The following SMG1 variants were observed in gnomAD, a reference collection of about 807,000 sequenced individuals.
SMG1 encodes SMG1 nonsense mediated mRNA decay associated PI3K related kinase.
A neutral mutation model predicts 419.9 loss-of-function variants in SMG1; 22 were observed. The ratio of observed to expected loss-of-function variants is 0.05; its 90% CI spans 0.04 to 0.07. The LOEUF (loss-of-function observed/expected upper bound fraction) is 0.07. SMG1 is among the 10% of genes least tolerant of loss of function. The probability of loss-of-function intolerance (pLI) is 1.00; values close to 1 mark genes in which losing one functional copy is unlikely to be tolerated. For missense variants in SMG1, 3,185 were observed against 4,342.0 expected (o/e 0.73, Z 7.49); for synonymous variants, 1,538 against 1,553.5 (o/e 0.99, Z 0.23).
At chr16:18,821,277 C>A (rs1196702525) in intron 55 of SMG1, among the ~76,000 whole-genome samples, 1 of 12,102 alleles carries the variant, frequency 8.3e-5, no homozygotes, top group African/African-American at 2.5e-4. Flanking sequence ...ATTATACTCT[C>A]AGTTTTAGGG....
Position 18,892,327 on chromosome 16 carries a change from G to C in SMG1, c.440C>G (p.Ser147Cys). ...CCTCCGAAGAAGATTCGACAGTCGA[G>C]ACTCATCAGAATAAGACATCGATCT... ...QERSMSYSDESRLSNLLRRIT... is the reference protein window; with the variant it reads ...QERSMSYSDECRLSNLLRRIT... Residue 147 changes from serine (S) to cysteine (C), a missense_variant, in exon 4 of 63, where the codon TCT becomes TGT. Coordinates refer to ENST00000446231, the MANE Select transcript of SMG1 (RefSeq NM_015092.5). The C allele has an allele frequency of 6.5e-7, 1 of 1,549,556 alleles. No individual in the cohort carries two copies. The highest frequency in any genetic ancestry group is 8.7e-7 in the Non-Finnish European group (1 of 1,146,586).
intron 5 of SMG1, among the ~76,000 whole-genome samples, 170 bp from the exon 6 acceptor site, chr16:18,889,755 G>A (rs1366327817): frequency 4.6e-5 from 7 of 152,190 alleles, no homozygotes; most frequent in African/African-American, 1.4e-4. Context: ...AGTCTGTCTA[G>A]CCTGCATTGC....
intron 1 of SMG1, among the ~76,000 whole-genome samples, chr16:18,908,552 A>C (rs1292064931): frequency 6.6e-6 from 1 of 151,770 alleles, no homozygotes; most frequent in Non-Finnish European, 1.5e-5. Flanking sequence ...GGACTTTATA[A>C]TCAAGGTAAA....
chr16:18,877,802 G>A (rs1460277426), intron 11 of SMG1: 1 of 152,184 alleles, frequency 6.6e-6, no homozygotes, highest in Non-Finnish European at 1.5e-5. Flanking sequence ...TGACATTAAA[G>A]TGTTTAGACA....
At chr16:18,818,049 G>A (rs1297299804) in intron 56 of SMG1, among the ~76,000 whole-genome samples, 1 of 150,410 alleles carries the variant, frequency 6.6e-6, no homozygotes, top group Non-Finnish European at 1.5e-5. Context: ...TCCCAGCTGG[G>A]ACCAGAGGTG....
rs1410978526 is a variant in SMG1 at position 18,859,088 on chromosome 16, T to C, written c.4047A>G (p.Leu1349=). Residue 1349 remains leucine (L), a synonymous_variant, in exon 28 of 63, where the codon CTA becomes CTG. Coordinates refer to ENST00000446231, the MANE Select transcript of SMG1 (RefSeq NM_015092.5). ...ATGAGCAATACAGCTGCAAGGTACT[T>C]AGAACTGGCAAAGACTGTGAAACTG... ...TLTVSQSLPV[L]STLQLYCSSA... is the part of the protein sequence containing the mutation. The C allele has an allele frequency of 2.0e-6, 3 of 1,530,550 alleles. No homozygotes were observed. Among genetic ancestry groups the C allele is most frequent in the East Asian group, 2.4e-5 (1 of 41,472 alleles). 94.8% of individuals were successfully genotyped at this position (1,530,550 alleles called of 1,614,324 possible).
intron 6 of SMG1, among the ~76,000 whole-genome samples, chr16:18,886,589 G>C (rs971475197): frequency 1.3e-5 from 2 of 152,142 alleles, no homozygotes; most frequent in African/African-American, 4.8e-5. Context: ...GATCACTTGA[G>C]GTCAGGAGTT....
At chr16:18,812,763 T>C (rs1370885535) in intron 60 of SMG1, among the ~76,000 whole-genome samples, 2 of 152,122 alleles carry the variant, frequency 1.3e-5, no homozygotes, top group Non-Finnish European at 2.9e-5. Context: ...GTTGGTGTGC[T>C]GCACCCATTA....
chr16:18,854,742 A>G lies in SMG1; in HGVS notation c.4397T>C (p.Phe1466Ser), dbSNP rs1304441446. The change falls in exon 30 of 63, where the codon TTT becomes TCT. Residue 1466 changes from phenylalanine to serine, a missense_variant. Physicochemically the swap from Phe to Ser is radical, Grantham distance 155. Coordinates refer to ENST00000446231, the MANE Select transcript of SMG1 (RefSeq NM_015092.5). ...TTTAQDLVQH[F>S]KKLSTQGQVD... Reference sequence around the variant, plus strand: ...TTGACCTTGGGTTGATAGTTTTTTAAAATGTTGGACTAAATCCTGTGCAGT... The same window carrying G: ...TTGACCTTGGGTTGATAGTTTTTTAGAATGTTGGACTAAATCCTGTGCAGT... 1 of 1,613,802 alleles carries G rather than the reference A, an allele frequency of 6.2e-7. No individual in the cohort carries two copies. The highest frequency in any genetic ancestry group is 1.3e-5 in the African/African-American group (1 of 74,886).
In SMG1 at chr16:18,838,003, C is replaced by G. The variant is rs572689074; in HGVS notation, c.7413+11G>C. The G allele has an allele frequency of 1.2e-6, 2 of 1,612,938 alleles. No individual in the cohort carries two copies. The highest frequency in any genetic ancestry group is 1.1e-5 in the South Asian group (1 of 91,012). ...AAGAAGACAATGACTTATTCCGTCA[C>G]TGGGCTTCACCTTAATCTCAGCTAC... On this transcript the variant is annotated intron_variant, in intron 45 of 62. Transcript: ENST00000446231.
intron 28 of SMG1, 92 bp downstream of exon 28, chr16:18,858,930 A>G: frequency 1.1e-6 from 1 of 892,984 alleles, no homozygotes; most frequent in Non-Finnish European, 1.6e-6. Context: ...CCAGCTACAA[A>G]TCCTATTTCA....
intron 29 of SMG1, among the ~76,000 whole-genome samples, chr16:18,856,021 T>C (rs1267515302): frequency 6.8e-6 from 1 of 147,672 alleles, no homozygotes; most frequent in Non-Finnish European, 1.5e-5. Context: ...GAATCATTAT[T>C]TTCTCTGGCC....
At chr16:18,902,248 AATTTGAAACTCCAAC>A (rs1458878063) in intron 1 of SMG1, among the ~76,000 whole-genome samples, 7 of 152,156 alleles carry the variant, frequency 4.6e-5, no homozygotes, top group Non-Finnish European at 7.3e-5. Flanking sequence ...GGGACAGGAC[AATTTGAAACTCCAAC>A]ATTTGGAACT....
chr16:18,902,767 G>A (rs1414903448), intron 1 of SMG1, among the ~76,000 whole-genome samples: 1 of 151,542 alleles, frequency 6.6e-6, no homozygotes, highest in Non-Finnish European at 1.5e-5. Flanking sequence ...TAGATGCAAG[G>A]GTCATCTTAT....
At chr16:18,881,144 T>TA (rs2036376880) in intron 10 of SMG1, among the ~76,000 whole-genome samples, 1 of 149,056 alleles carries the variant, frequency 6.7e-6, no homozygotes, top group South Asian at 2.1e-4. Context: ...TAAATTAAAT[T>TA]TAAAAAAAAA....
intron 4 of SMG1, among the ~76,000 whole-genome samples, chr16:18,891,498 T>C (rs905507466): frequency 2.6e-5 from 4 of 151,744 alleles, no homozygotes; most frequent in Non-Finnish European, 5.9e-5. Context: ...TGCAATGGCA[T>C]GATCTCAGCT....
At chr16:18,834,144 G>A (rs2033394261) in intron 50 of SMG1, 60 bp downstream of exon 50, 1 of 1,260,838 alleles carries the variant, frequency 7.9e-7, no homozygotes, top group Non-Finnish European at 1.1e-6. Context: ...GGGTTAAAGA[G>A]ATGAGAAAGA....
At chr16:18,850,946 G>A (rs549726438) in intron 33 of SMG1, among the ~76,000 whole-genome samples, 16 of 152,216 alleles carry the variant, frequency 1.1e-4, no homozygotes, top group African/African-American at 3.1e-4. Flanking sequence ...GTAGAGACAA[G>A]GTTTCACCAT....
rs767914212 is a variant in SMG1, at chr16:18,926,069, C to G, written c.-28G>C. ...CCTTCCCCGACACGACATGGCCAAG[C>G]GCCGCCGCCCAAAGAAGCGCGAGTC... On this transcript the variant is annotated 5_prime_UTR_variant, in exon 1 of 63. Coordinates refer to ENST00000446231, the MANE Select transcript of SMG1 (RefSeq NM_015092.5). 1 of 1,543,222 alleles carries G rather than the reference C, an allele frequency of 6.5e-7. No individual in the cohort carries two copies. The highest frequency in any genetic ancestry group is 1.9e-5 in the Admixed American group (1 of 52,728).
Sources: gnomAD v4.1 joint callset for allele counts (sites outside exome capture counted in the v4.1 genomes callset) on GRCh38, gnomAD v4.1.1 for gene constraint, MANE v1.5 for transcripts, NCBI Gene and HGNC (gene_info 2026-07-23, HGNC 2026-07-21) for gene names.